TRAF3IP2: variants seen among roughly 807,000 people sequenced by gnomAD.
TRAF3IP2 encodes E3 ubiquitin ligase TRAF3IP2.
Under a neutral mutation model 57.9 loss-of-function variants are expected in TRAF3IP2, and 35 were observed. The observed-to-expected ratio is 0.60, with a 90% CI of 0.46 to 0.80. TRAF3IP2 has a LOEUF of 0.80. TRAF3IP2 is among the 30% of genes least tolerant of loss of function. TRAF3IP2 has a pLI of 0.00. For missense variants in TRAF3IP2, 556 were observed against 706.4 expected, an observed-to-expected ratio of 0.79 and a Z score of 2.41; for synonymous variants, 251 against 268.9, an observed-to-expected ratio of 0.93 and a Z score of 0.65.
At chr6:111,602,871 T>G (rs1399632003) in intron 1 of TRAF3IP2, among the ~76,000 whole-genome samples, 1 of 152,048 alleles carries the variant, frequency 6.6e-6, no homozygotes, top group Non-Finnish European at 1.5e-5. Flanking sequence ...CCTCAGTCTG[T>G]GGGGTGCGGC....
At chr6:111,577,090 A>C (rs572985575) in intron 3 of TRAF3IP2, 2 of 148,214 alleles carry the variant, frequency 1.3e-5, no homozygotes, top group South Asian at 4.2e-4. Context: ...AGAGAAAATA[A>C]TTTCTATAAA....
chr6:111,570,887 T>G (rs1302513877), intron 5 of TRAF3IP2, among the ~76,000 whole-genome samples: 1 of 151,522 alleles, frequency 6.6e-6, no homozygotes, highest in Non-Finnish European at 1.5e-5. Flanking sequence ...TATGTCACAG[T>G]TGCCACAGTG....
intron 5 of TRAF3IP2, among the ~76,000 whole-genome samples, chr6:111,569,995 A>G (rs532031199): frequency 2.6e-5 from 4 of 152,204 alleles, no homozygotes; most frequent in Non-Finnish European, 5.9e-5. Flanking sequence ...TCCCTACCCT[A>G]CCTCAGAATG....
intron 5 of TRAF3IP2, among the ~76,000 whole-genome samples, chr6:111,568,234 A>G (rs1392501131): frequency 6.6e-6 from 1 of 152,246 alleles, no homozygotes; most frequent in Non-Finnish European, 1.5e-5. Context: ...AACAGTCACA[A>G]AAACAATTAC....
At chr6:111,593,802 A>C (rs1021082043) in intron 1 of TRAF3IP2, among the ~76,000 whole-genome samples, 1 of 152,132 alleles carries the variant, frequency 6.6e-6, no homozygotes, top group African/African-American at 2.4e-5. Context: ...CCTACCCAAA[A>C]AACCTGTAAA....
chr6:111,593,648 C>G (rs1181984924), intron 1 of TRAF3IP2, among the ~76,000 whole-genome samples: 3 of 152,114 alleles, frequency 2.0e-5, no homozygotes, highest in African/African-American at 7.2e-5. Flanking sequence ...CTTCTAACTT[C>G]CGGCTGGCCT....
intron 2 of TRAF3IP2, among the ~76,000 whole-genome samples, chr6:111,582,799 C>T (rs1000958589): frequency 6.6e-6 from 1 of 152,162 alleles, no homozygotes; most frequent in Non-Finnish European, 1.5e-5. Flanking sequence ...AGATCAGGTT[C>T]CCGCCCCTGT....
chr6:111,584,478 A>C (rs988296585), intron 2 of TRAF3IP2, among the ~76,000 whole-genome samples: 4 of 152,162 alleles, frequency 2.6e-5, no homozygotes, highest in African/African-American at 9.7e-5. Context: ...GAATCTGACC[A>C]GCTTTGTCTG....
chr6:111,570,970 GA>G (rs2128373393), intron 5 of TRAF3IP2, among the ~76,000 whole-genome samples: 1 of 151,380 alleles, frequency 6.6e-6, no homozygotes, highest in African/African-American at 2.4e-5. Flanking sequence ...GCAGTGGTGT[GA>G]TGCCGGCTTA....
chr6:111,566,566 A>C lies in TRAF3IP2; in HGVS notation c.1360-6T>G. The C allele has an allele frequency of 6.2e-7, 1 of 1,611,954 alleles. No individual in the cohort carries two copies. Among genetic ancestry groups the C allele is most frequent in the Non-Finnish European group, 8.5e-7 (1 of 1,178,028 alleles). On this transcript the variant is annotated splice_region_variant and splice_polypyrimidine_tract_variant and intron_variant, in intron 6 of 8. Transcript: ENST00000368761. ...ACGATTATCATCACGGTCTTCTGTT[A>C]ATGAGAGGGAGAAAGGCATGTTTAT...
intron 1 of TRAF3IP2, among the ~76,000 whole-genome samples, chr6:111,595,707 A>G (rs6905520): frequency 6.6e-5 from 10 of 151,902 alleles, no homozygotes; most frequent in Non-Finnish European, 1.2e-4. Flanking sequence ...AGGCACCTGT[A>G]ATCCCAGCTA....
At chr6:111,583,177 A>G (rs1400823111) in intron 2 of TRAF3IP2, among the ~76,000 whole-genome samples, 1 of 152,224 alleles carries the variant, frequency 6.6e-6, no homozygotes, top group Non-Finnish European at 1.5e-5. Context: ...CATGTCTCCA[A>G]GGATAGTACT....
chr6:111,563,325 G>T (rs77000205), intron 7 of TRAF3IP2, among the ~76,000 whole-genome samples: 12,204 of 152,228 alleles, frequency 0.08, 726 homozygotes, highest in Non-Finnish European at 0.11. Context: ...ACAAAAGCTT[G>T]TTGTGTGCAT....
chr6:111,600,213 C>T (rs1796824238), intron 1 of TRAF3IP2: 1 of 152,204 alleles, frequency 6.6e-6, no homozygotes, highest in South Asian at 2.1e-4. Flanking sequence ...TATCTGGCTT[C>T]AGAGCTCTCT....
intron 5 of TRAF3IP2, among the ~76,000 whole-genome samples, chr6:111,570,306 C>T (rs1795789949): frequency 1.3e-5 from 2 of 152,184 alleles, no homozygotes; most frequent in African/African-American, 4.8e-5. Flanking sequence ...ATATAGCCAT[C>T]CTCTTCATCT....
In TRAF3IP2 at chr6:111,555,731, T is replaced by G. The variant is rs1300051501; in HGVS notation, c.*3674A>C. 6.6e-6 allele frequency among the ~76,000 whole-genome samples: 1 copy of G among 152,176 alleles called. No homozygotes were observed. The highest frequency in any genetic ancestry group is 1.9e-4 in the East Asian group (1 of 5,200). On this transcript the variant is annotated 3_prime_UTR_variant, in exon 9 of 9. Transcript: ENST00000368761. ...CTTCCACCCCAAAAATATCTAAAGATGAATGCCTGAGGACCAGCATAACAT... is the reference window on the plus strand; with the variant it reads ...CTTCCACCCCAAAAATATCTAAAGAGGAATGCCTGAGGACCAGCATAACAT...
chr6:111,591,393 T>C lies in TRAF3IP2; in HGVS notation c.694A>G (p.Arg232Gly). Residue 232 changes from arginine (R) to glycine (G), a missense_variant, in exon 2 of 9, where the codon AGG becomes GGG. By Grantham distance (125) the Arg-to-Gly change is moderately radical (BLOSUM62 -2). Coordinates refer to ENST00000368761, the MANE Select transcript of TRAF3IP2 (RefSeq NM_147686.4). The surrounding 1 kb of genome is among the most constrained non-coding windows in gnomAD (Gnocchi z 4.9). ...CYPQDLPRPL[R>G]SREFPQFEPQ... ...TCAAACTGAGGGAACTCCCTGGACCTGAGAGGTCTGGGGAGGTCCTGGGGG... is the reference window on the plus strand; with the variant it reads ...TCAAACTGAGGGAACTCCCTGGACCCGAGAGGTCTGGGGAGGTCCTGGGGG... 2 of 1,551,598 alleles carry C rather than the reference T, an allele frequency of 1.3e-6. No homozygotes were observed. The highest frequency in any genetic ancestry group is 1.7e-6 in the Non-Finnish European group (2 of 1,151,786).
chr6:111,595,532 T>C (rs1336145905), intron 1 of TRAF3IP2, among the ~76,000 whole-genome samples: 1 of 152,132 alleles, frequency 6.6e-6, no homozygotes, highest in Non-Finnish European at 1.5e-5. Context: ...CTTCAAGAGG[T>C]ACCAAAGGGT....
At position 111,591,497 on chromosome 6, in the gene TRAF3IP2, G is replaced by T; in HGVS notation, c.590C>A (p.Thr197Lys). Residue 197 changes from threonine to lysine, a missense_variant, in exon 2 of 9, where the codon ACG becomes AAG. Thr to Lys is a moderately conservative substitution (Grantham distance 78, BLOSUM62 -1). Transcript: ENST00000368761. The surrounding 1 kb of genome is among the most constrained non-coding windows in gnomAD (Gnocchi z 4.9). ...ATCCTGGGGCTGGGAATCATATCCC[G>T]TGTCTATGGTTGGCAGATCCAGGCC... The part of the protein sequence containing the change: ...RAGLDLPTID[T>K]GYDSQPQDVL... The T allele has an allele frequency of 6.2e-7, 1 of 1,610,680 alleles. No homozygotes were observed. Among genetic ancestry groups the T allele is most frequent in the Non-Finnish European group, 8.5e-7 (1 of 1,177,378 alleles).
Sources: allele counts gnomAD v4.1 joint callset (sites outside exome capture counted in the v4.1 genomes callset), GRCh38; gene constraint gnomAD v4.1.1; non-coding constraint Gnocchi (gnomAD v3.1); transcripts MANE v1.5; gene names NCBI Gene and HGNC (gene_info 2026-07-23, HGNC 2026-07-21).